Variants in PHF20 observed in about 807,000 individuals in gnomAD.
The protein encoded by PHF20 is glioma-expressed antigen 2.
A neutral mutation model predicts 113.5 loss-of-function variants in PHF20; 23 were observed. That is an observed-to-expected ratio of 0.20 (90% CI 0.15 to 0.29). PHF20 has a LOEUF of 0.29. PHF20 is among the 10% of genes least tolerant of loss of function. The pLI is 1.00. For missense variants in PHF20, 943 were observed against 1,219.6 expected (o/e 0.77, Z 3.38); for synonymous variants, 434 against 457.3 (o/e 0.95, Z 0.65).
At position 35,871,117 on chromosome 20, in the gene PHF20, C is replaced by G; in HGVS notation, c.1085C>G (p.Thr362Ser). The G allele has an allele frequency of 6.2e-7, 1 of 1,609,362 alleles. No individual in the cohort carries two copies. Among genetic ancestry groups the G allele is most frequent in the African/African-American group, 1.3e-5 (1 of 74,788 alleles). The change falls in exon 8 of 18, where the codon ACC becomes AGC. Residue 362 changes from threonine (T) to serine (S), a missense_variant. Thr to Ser is a moderately conservative substitution (Grantham distance 58, BLOSUM62 1). Around this residue, in one of 3 missense-constraint regions of PHF20, gnomAD observed 592 missense variants for 787.2 expected, o/e 0.75. Coordinates refer to ENST00000374012, the MANE Select transcript of PHF20 (RefSeq NM_016436.5). ...TDPLQDTLSS[T>S]KESEEGQLKS... ...CCTTTGCAAGACACGTTGTCTAGTA[C>G]CAAGGAATCTGAAGAAGGTGAGTCA...
intron 9 of PHF20, among the ~76,000 whole-genome samples, chr20:35,883,305 T>C (rs1251640518): frequency 1.3e-5 from 2 of 152,246 alleles, no homozygotes; most frequent in Non-Finnish European, 2.9e-5. Flanking sequence ...CTGAAAGATA[T>C]TTAAGTTCTT....
intron 4 of PHF20, among the ~76,000 whole-genome samples, chr20:35,850,312 T>G (rs1168407645): frequency 8.2e-6 from 1 of 122,150 alleles, no homozygotes; most frequent in African/African-American, 3.3e-5. Context: ...TTTTTTTTTT[T>G]TTTTTTTTTT....
chr20:35,782,075 T>C (rs17093084), intron 1 of PHF20, among the ~76,000 whole-genome samples: 7,276 of 152,194 alleles, frequency 0.048, 215 homozygotes, highest in African/African-American at 0.089. Flanking sequence ...TTCTGCCTTT[T>C]TTGAGGCTCC....
At position 35,871,650 on chromosome 20, in the gene PHF20, G is replaced by A. The variant is rs1438365742; in HGVS notation, c.1103G>A (p.Gly368Asp). The A allele has an allele frequency of 1.3e-6, 2 of 1,582,724 alleles. No individual in the cohort carries two copies. The change falls in exon 9 of 18, where the codon GGT becomes GAT. Residue 368 changes from glycine to aspartate, a missense_variant and splice_region_variant. By Grantham distance (94) the Gly-to-Asp change is moderately conservative (BLOSUM62 -1). Transcript: ENST00000374012. Reference sequence around the variant, plus strand: ...CCCAAACTTTCTTTTTTTCTTCTAGGTCAGTTGAAGTCTGCTTTGGAAGCT... The same window carrying A: ...CCCAAACTTTCTTTTTTTCTTCTAGATCAGTTGAAGTCTGCTTTGGAAGCT... ...TLSSTKESEE[G>D]QLKSALEAGQ...
At chr20:35,821,416 C>G (rs891886441) in intron 2 of PHF20, among the ~76,000 whole-genome samples, 2 of 137,308 alleles carry the variant, frequency 1.5e-5, no homozygotes, top group East Asian at 2.2e-4. Flanking sequence ...GTCTAGGCAA[C>G]AAGAGCGAAA....
At chr20:35,931,622 A>T (rs1204509955) in intron 15 of PHF20, among the ~76,000 whole-genome samples, 178 bp downstream of exon 15, 1 of 152,020 alleles carries the variant, frequency 6.6e-6, no homozygotes, top group Non-Finnish European at 1.5e-5. Flanking sequence ...AACTTTATTG[A>T]GTAATATCTT....
intron 2 of PHF20, among the ~76,000 whole-genome samples, chr20:35,837,669 A>G (rs2042466714): frequency 6.6e-6 from 1 of 152,212 alleles, no homozygotes; most frequent in Admixed American, 6.5e-5. Flanking sequence ...AGCCTAATCC[A>G]TTTATGTGTC....
chr20:35,822,273 C>T (rs993425372), intron 2 of PHF20, among the ~76,000 whole-genome samples: 2 of 152,070 alleles, frequency 1.3e-5, no homozygotes, highest in Admixed American at 6.6e-5. Context: ...AGAAACCTAG[C>T]TGGGCATGGT....
intron 4 of PHF20, among the ~76,000 whole-genome samples, chr20:35,850,103 T>G (rs922108299): frequency 5.9e-5 from 9 of 152,132 alleles, no homozygotes; most frequent in Admixed American, 5.9e-4. Flanking sequence ...CCTGGAGTGG[T>G]TCTTCAGCAG....
chr20:35,828,569 G>A (rs2042303210), intron 2 of PHF20, among the ~76,000 whole-genome samples: 1 of 152,190 alleles, frequency 6.6e-6, no homozygotes, highest in African/African-American at 2.4e-5. Context: ...AAGACTCTGA[G>A]CGGCAAGCCT....
intron 17 of PHF20, among the ~76,000 whole-genome samples, chr20:35,943,756 G>T (rs2056034673): frequency 6.6e-6 from 1 of 151,138 alleles, no homozygotes; most frequent in African/African-American, 2.4e-5. Context: ...GAGTAGCTGG[G>T]ATTATAGGTG....
intron 2 of PHF20, among the ~76,000 whole-genome samples, chr20:35,840,895 G>A (rs902682319): frequency 9.2e-5 from 14 of 152,218 alleles, no homozygotes; most frequent in African/African-American, 3.1e-4. Flanking sequence ...AGTCTAGAAA[G>A]AAGGTTGAAT....
At chr20:35,908,433 C>T (rs1469345649) in intron 10 of PHF20, among the ~76,000 whole-genome samples, 2 of 152,234 alleles carry the variant, frequency 1.3e-5, no homozygotes, top group East Asian at 1.9e-4. Flanking sequence ...CCCTCTCTGT[C>T]TCAAGGATTT....
intron 13 of PHF20, among the ~76,000 whole-genome samples, chr20:35,925,407 C>T (rs976641915): frequency 2.6e-5 from 4 of 152,040 alleles, no homozygotes; most frequent in South Asian, 2.1e-4. Context: ...AGATTACAGG[C>T]GCCTGCCACC....
intron 15 of PHF20, among the ~76,000 whole-genome samples, chr20:35,935,769 AGGAAGATCTTGGTACTTCTTAC>A: frequency 6.6e-6 from 1 of 152,362 alleles, no homozygotes; most frequent in Non-Finnish European, 1.5e-5. Flanking sequence ...AAGAGGGCAT[AGGAAGATCTTGGTACTTCTTAC>A]AAATGGAGAA....
At chr20:35,821,948 G>C (rs548178918) in intron 2 of PHF20, among the ~76,000 whole-genome samples, 1 of 152,288 alleles carries the variant, frequency 6.6e-6, no homozygotes, top group South Asian at 2.1e-4. Flanking sequence ...CTGAAATGGG[G>C]TAGACTTCAG....
chr20:35,902,585 C>T (rs1384022875), intron 10 of PHF20, among the ~76,000 whole-genome samples: 5 of 152,186 alleles, frequency 3.3e-5, no homozygotes, highest in African/African-American at 1.2e-4. Flanking sequence ...GCAGGTATTC[C>T]TGGCCAGATG....
chr20:35,861,393 C>T (rs1286838978), intron 5 of PHF20, among the ~76,000 whole-genome samples: 2 of 151,912 alleles, frequency 1.3e-5, no homozygotes, highest in South Asian at 2.1e-4. Context: ...ATTAAACGTA[C>T]GTGTGTGTAT....
In PHF20 at chr20:35,854,020, C is replaced by T. The variant is rs541505642; in HGVS notation, c.341-4282C>T. The stretch of plus-strand genomic sequence containing the variant: ...CCGCCCGCCTCCACCTCCCAAAGTG[C>T]TGGGATTACAGGCGTGAGCCACCAT... On this transcript the variant is annotated intron_variant, in intron 4 of 17. Transcript: ENST00000374012. 7.2e-5 allele frequency among the ~76,000 whole-genome samples: 11 copies of T among 152,242 alleles called. No homozygotes were observed. In the East Asian group the frequency reaches 2.1e-3, roughly 29 times the overall value.
Sources: allele counts gnomAD v4.1 joint callset (sites outside exome capture counted in the v4.1 genomes callset), GRCh38; gene constraint gnomAD v4.1.1; regional missense constraint gnomAD v4.1.1; transcripts MANE v1.5; gene names NCBI Gene and HGNC (gene_info 2026-07-23, HGNC 2026-07-21).